Variants in FHOD1 observed in about 807,000 individuals in gnomAD.
FHOD1 encodes formin homology 2 domain containing 1.
Under a neutral mutation model 111.6 loss-of-function variants are expected in FHOD1, and 89 were observed. The observed-to-expected ratio is 0.80, with a 90% confidence interval of 0.67 to 0.95. FHOD1 has a LOEUF of 0.95. Among genes scored for constraint, FHOD1 ranks in the 40% least tolerant of loss-of-function variants. The pLI, the probability that FHOD1 is intolerant of heterozygous loss-of-function variation, is 0.00. For synonymous variants in FHOD1, 618 were observed against 639.0 expected (o/e 0.97, Z 0.50); for missense variants, 1,446 against 1,554.2 (o/e 0.93, Z 1.17).
At chr16:67,235,168 A>G (rs1372737774) in intron 11 of FHOD1, among the ~76,000 whole-genome samples, 1 of 152,172 alleles carries the variant, frequency 6.6e-6, no homozygotes. Context: ...AGCTGTCCCA[A>G]TGGGCATATC....
chr16:67,246,837 A>T, intron 1 of FHOD1: 1 of 226,128 alleles, frequency 4.4e-6, no homozygotes. Context: ...CACCTGAAGC[A>T]GGTGGAAGCT....
chr16:67,232,245 C>A lies in FHOD1; in HGVS notation c.2047-51G>T, dbSNP rs745951598. ...TAAGACTGAGGAAGGGGGCCTGACG[C>A]GGTGGCTCACGCCTGTAATCCCAGC... On this transcript the variant is annotated intron_variant, in intron 13 of 21. Coordinates refer to ENST00000258201, the MANE Select transcript of FHOD1 (RefSeq NM_013241.3). 1.4e-5 allele frequency: 23 copies of A among 1,593,434 alleles called. No individual in the cohort carries two copies. In the South Asian group the frequency reaches 2.5e-4, roughly 17 times the overall value.
Position 67,237,463 on chromosome 16 carries a change from C to T in FHOD1, c.849+12G>A, listed in dbSNP as rs1376226372. The T allele has an allele frequency of 6.2e-7, 1 of 1,614,162 alleles. No homozygotes were observed. The highest frequency in any genetic ancestry group is 1.1e-5 in the South Asian group (1 of 91,088). ...GAGCATCCCAGAGCTGGCACCCAGT[C>T]CTTGGCCACACCTTGTTGATGAGGG... On this transcript the variant is annotated intron_variant, in intron 8 of 21. Coordinates refer to ENST00000258201, the MANE Select transcript of FHOD1 (RefSeq NM_013241.3). The surrounding 1 kb of genome is among the most constrained non-coding windows in gnomAD (Gnocchi z 5.6).
At chr16:67,242,927 T>G (rs1342661406) in intron 1 of FHOD1, among the ~76,000 whole-genome samples, 1 of 151,428 alleles carries the variant, frequency 6.6e-6, no homozygotes, top group Non-Finnish European at 1.5e-5. Flanking sequence ...CTATAATATA[T>G]AGATGTCTAT....
chr16:67,231,919 TC>T lies in FHOD1; in HGVS notation c.2203-101del. The T allele has an allele frequency of 6.5e-6, 10 of 1,532,206 alleles. No homozygotes were observed. Among genetic ancestry groups the T allele is most frequent in the Non-Finnish European group, 8.8e-6 (10 of 1,130,608 alleles). The allele number at this position is 1,532,206 out of a possible 1,614,324, so 94.9% of individuals were successfully genotyped here. ...CAGTCATCTAGGGGAGGCCCCAGTGTCTGGGGACTGCCCTGCAGAAATGCCA... is the reference window on the plus strand; with the variant it reads ...CAGTCATCTAGGGGAGGCCCCAGTGTTGGGGACTGCCCTGCAGAAATGCCA... On this transcript the variant is annotated intron_variant, in intron 14 of 21. Coordinates refer to ENST00000258201, the MANE Select transcript of FHOD1 (RefSeq NM_013241.3). The surrounding 1 kb of genome is among the most constrained non-coding windows in gnomAD (Gnocchi z 4.3).
intron 1 of FHOD1, among the ~76,000 whole-genome samples, chr16:67,243,247 T>A (rs2034716878): frequency 6.6e-6 from 1 of 152,162 alleles, no homozygotes. Flanking sequence ...CCTCCTTTCC[T>A]GTTATCGCAG....
chr16:67,236,461 C>A (rs2034479329), intron 11 of FHOD1, 96 bp downstream of exon 11: 1 of 1,539,960 alleles, frequency 6.5e-7, no homozygotes, highest in South Asian at 1.2e-5. Context: ...AGAAAGCACG[C>A]GTTTGGGCAG....
intron 2 of FHOD1, 85 bp from the exon 3 acceptor site, chr16:67,239,052 A>G: frequency 7.5e-7 from 1 of 1,331,660 alleles, no homozygotes; most frequent in Non-Finnish European, 1.1e-6. Context: ...AGACCTCCCC[A>G]TGCCAGCCCC....
At chr16:67,236,910 C>T in intron 10 of FHOD1, 56 bp downstream of exon 10, 1 of 1,527,750 alleles carries the variant, frequency 6.5e-7, no homozygotes, top group Non-Finnish European at 8.8e-7. Flanking sequence ...CCTGTCAGCT[C>T]ACTGGGCCAT....
rs1216217779 is a variant in FHOD1 at position 67,233,749 on chromosome 16, T to A, written c.1954A>T (p.Thr652Ser). The A allele has an allele frequency of 6.2e-7, 1 of 1,613,508 alleles. No individual in the cohort carries two copies. Among genetic ancestry groups the A allele is most frequent in the Non-Finnish European group, 8.5e-7 (1 of 1,179,904 alleles). Residue 652 changes from threonine to serine, a missense_variant, in exon 13 of 22, where the codon ACC becomes TCC. This residue lies in a region of FHOD1 where 1,085 missense variants were observed against 1,108.8 expected (regional missense o/e 0.98). Transcript: ENST00000258201. ...ACAGGGTCCAGTGAAGCCCAGAGGG[T>A]GGCGCAGGGCCCAAAGCGGCTTGCA... Reference protein sequence around the residue: ...VSASRFGPCATLWASLDPVSV... With the variant: ...VSASRFGPCASLWASLDPVSV...
intron 1 of FHOD1, among the ~76,000 whole-genome samples, chr16:67,244,637 A>C (rs1022341136): frequency 3.9e-5 from 6 of 152,118 alleles, no homozygotes; most frequent in African/African-American, 1.4e-4. Flanking sequence ...GTGGAGTCCC[A>C]GGGAGAAAGC....
In FHOD1 at chr16:67,231,978, G is replaced by A. The variant is rs370312254; in HGVS notation, c.2202+61C>T. The stretch of plus-strand genomic sequence containing the variant: ...GCCCACCACCAGAGGGACAGGAAAT[G>A]CCCACCTACCAAAGGAGAAGGCCAG... On this transcript the variant is annotated intron_variant, in intron 14 of 21. Coordinates refer to ENST00000258201, the MANE Select transcript of FHOD1 (RefSeq NM_013241.3). This position sits in a 1 kb window ranked among gnomAD's most constrained non-coding sequence, Gnocchi z 4.3. The A allele has an allele frequency of 5.0e-6, 8 of 1,594,730 alleles. No individual in the cohort carries two copies. The East Asian group carries it at 6.7e-5, about 13-fold the overall frequency.
chr16:67,241,114 ACCCCCCCCC>A (rs1186229148), intron 1 of FHOD1, among the ~76,000 whole-genome samples: 1 of 83,266 alleles, frequency 1.2e-5, no homozygotes, highest in African/African-American at 5.6e-5. Context: ...CCCTTGGATG[ACCCCCCCCC>A]CCGCCCACCC....
chr16:67,230,184 G>A lies in FHOD1; in HGVS notation c.3096C>T (p.Pro1032=), dbSNP rs2034197801. The change falls in exon 20 of 22, where the codon CCC becomes CCT. Residue 1032 remains proline, a synonymous_variant. Transcript: ENST00000258201. ...SGVAGEAPSN[P]SVPVAVSSGP... ...CGCTGCTCACTGCTACTGGGACAGAGGGGTTGCTGGGGGCTTCCCCAGCCA... is the reference window on the plus strand; with the variant it reads ...CGCTGCTCACTGCTACTGGGACAGAAGGGTTGCTGGGGGCTTCCCCAGCCA... 4 of 1,613,914 alleles carry A rather than the reference G, an allele frequency of 2.5e-6. No homozygotes were observed. The highest frequency in any genetic ancestry group is 2.7e-5 in the African/African-American group (2 of 74,944).
intron 11 of FHOD1, chr16:67,234,767 G>T: frequency 5.3e-6 from 2 of 374,556 alleles, no homozygotes; most frequent in South Asian, 4.4e-5. Flanking sequence ...GTTTTTTTTT[G>T]GTTGGTTTTT....
At chr16:67,233,610 T>C (rs1192685601) in intron 13 of FHOD1, 47 bp downstream of exon 13, 31 of 1,532,572 alleles carry the variant, frequency 2.0e-5, no homozygotes, top group Non-Finnish European at 2.6e-5. Context: ...TAAGCTCTGA[T>C]TCCCTCCTGC....
Position 67,230,338 on chromosome 16 carries a change from C to T in FHOD1, c.3027G>A (p.Lys1009=). Residue 1009 remains lysine, a synonymous_variant, in exon 19 of 22, where the codon AAG becomes AAA. Transcript: ENST00000258201. Reference sequence around the variant, plus strand: ...CCTCGGTGATCATGCGTCCCCGGGTCTTGTTGCGCTCACGGTATGTGGCCT... The same window carrying T: ...CCTCGGTGATCATGCGTCCCCGGGTTTTGTTGCGCTCACGGTATGTGGCCT... ...QKQATYRERN[K]TRGRMITETE... 2 of 1,614,238 alleles carry T rather than the reference C, an allele frequency of 1.2e-6. No homozygotes were observed. The highest frequency in any genetic ancestry group is 1.7e-6 in the Non-Finnish European group (2 of 1,180,038).
chr16:67,237,699 G>A lies in FHOD1; in HGVS notation c.712C>T (p.Pro238Ser). 6.2e-7 allele frequency: 1 copy of A among 1,614,186 alleles called. No homozygotes were observed. Among genetic ancestry groups the A allele is most frequent in the Non-Finnish European group, 8.5e-7 (1 of 1,180,036 alleles). Residue 238 changes from proline to serine, a missense_variant, in exon 7 of 22, where the codon CCG (proline) becomes TCG (serine). Physicochemically the swap from Pro to Ser is moderately conservative, Grantham distance 74. This residue lies in a region of FHOD1 where 234 missense variants were observed against 327.4 expected (regional missense o/e 0.71). Transcript: ENST00000258201. The surrounding 1 kb of genome is among the most constrained non-coding windows in gnomAD (Gnocchi z 5.6). ...VFVEYSENNA[P>S]LFIRAVNSVA... is the part of the protein sequence containing the mutation. Reference sequence around the variant, plus strand: ...GAGTTCACTGCACGGATGAACAGCGGTGCGTTGTTTTCGGAGTATTCTACA... The same window carrying A: ...GAGTTCACTGCACGGATGAACAGCGATGCGTTGTTTTCGGAGTATTCTACA...
chr16:67,246,574 G>A (rs993092381), intron 1 of FHOD1, among the ~76,000 whole-genome samples: 8 of 152,190 alleles, frequency 5.3e-5, no homozygotes, highest in Admixed American at 2.6e-4. Context: ...GCGAGTGTCC[G>A]GGGGTGGGGG....
Sources: allele counts gnomAD v4.1 joint callset (sites outside exome capture counted in the v4.1 genomes callset), GRCh38; gene constraint gnomAD v4.1.1; regional missense constraint gnomAD v4.1.1; non-coding constraint Gnocchi (gnomAD v3.1); transcripts MANE v1.5; gene names NCBI Gene and HGNC (gene_info 2026-07-23, HGNC 2026-07-21).